ELL: variants seen among roughly 807,000 people sequenced by gnomAD.
ELL encodes the protein RNA polymerase II elongation factor ELL.
In ELL, 18 loss-of-function variants were observed where a neutral mutation model predicts 64.0. That is an observed-to-expected ratio of 0.28 (90% CI 0.19 to 0.42). The LOEUF (loss-of-function observed/expected upper bound fraction) is 0.42. ELL is among the 10% of genes least tolerant of loss of function. ELL has a pLI of 1.00. For synonymous variants in ELL, 399 were observed against 376.2 expected (o/e 1.06, Z -0.70); for missense variants, 797 against 870.4 (o/e 0.92, Z 1.06).
chr19:18,458,390 A>G, intron 5 of ELL, 61 bp from the exon 6 acceptor site: 1 of 1,579,402 alleles, frequency 6.3e-7, no homozygotes, highest in South Asian at 1.1e-5. Context: ...GGACTAGAGA[A>G]AAAAGATCTG....
At chr19:18,460,843 A>G (rs1974794578) in intron 5 of ELL, among the ~76,000 whole-genome samples, 1 of 152,170 alleles carries the variant, frequency 6.6e-6, no homozygotes. Flanking sequence ...CGATCCGAGG[A>G]GACCCATCCT....
chr19:18,484,211 C>G (rs1027232980), intron 1 of ELL, among the ~76,000 whole-genome samples: 28 of 152,338 alleles, frequency 1.8e-4, no homozygotes, highest in Admixed American at 9.2e-4. Context: ...CGCCTGTAAT[C>G]CCAGCACTTT....
At chr19:18,460,622 C>G (rs1307680128) in intron 5 of ELL, among the ~76,000 whole-genome samples, 1 of 152,226 alleles carries the variant, frequency 6.6e-6, no homozygotes, top group Non-Finnish European at 1.5e-5. Context: ...GTCCCACCAG[C>G]CGCGCACCCG....
intron 1 of ELL, among the ~76,000 whole-genome samples, chr19:18,497,041 G>C (rs1254834962): frequency 6.6e-6 from 1 of 152,188 alleles, no homozygotes. Context: ...GCACGCCTTG[G>C]TATTTGCCCA....
Position 18,445,183 on chromosome 19 carries a change from A to G in ELL, c.1749+41T>C, listed in dbSNP as rs762347496. ...GCCCACCCTCCTCCCTCCAGCTCCC[A>G]TGGCTCACTTGGAGCCCACCCCAAC... On this transcript the variant is annotated intron_variant, in intron 11 of 11. Transcript: ENST00000262809. 1.7e-5 allele frequency: 28 copies of G among 1,612,256 alleles called. No individual in the cohort carries two copies. The South Asian group carries it at 2.9e-4, about 16-fold the overall frequency.
intron 1 of ELL, among the ~76,000 whole-genome samples, chr19:18,507,786 T>C (rs555640100): frequency 6.6e-6 from 1 of 152,314 alleles, no homozygotes; most frequent in Admixed American, 6.5e-5. Flanking sequence ...ACCACGCAGC[T>C]GAGGCTCAGC....
At chr19:18,508,363 C>T (rs922158518) in intron 1 of ELL, among the ~76,000 whole-genome samples, 11 of 152,202 alleles carry the variant, frequency 7.2e-5, no homozygotes, top group African/African-American at 2.7e-4. Flanking sequence ...GAGTCAGCAG[C>T]CAGGAGGGTA....
chr19:18,494,138 G>A (rs1365364591), intron 1 of ELL, among the ~76,000 whole-genome samples: 1 of 152,024 alleles, frequency 6.6e-6, no homozygotes, highest in Non-Finnish European at 1.5e-5. Flanking sequence ...GAGGTAGGAG[G>A]ATCGTTTGAG....
At chr19:18,447,225 C>T (rs1974434995) in intron 8 of ELL, among the ~76,000 whole-genome samples, 1 of 152,254 alleles carries the variant, frequency 6.6e-6, no homozygotes, top group South Asian at 2.1e-4. Context: ...TCAAAGGTCA[C>T]TAAGCTGAAA....
chr19:18,469,687 A>G (rs1975022319), intron 2 of ELL, among the ~76,000 whole-genome samples: 1 of 152,246 alleles, frequency 6.6e-6, no homozygotes, highest in Non-Finnish European at 1.5e-5. Flanking sequence ...AGCCCAGGCC[A>G]CAGGGGCTCA....
chr19:18,446,608 C>A (rs1600418977), intron 9 of ELL, 128 bp from the exon 10 acceptor site: 1 of 1,490,578 alleles, frequency 6.7e-7, no homozygotes, highest in Non-Finnish European at 9.1e-7. Context: ...GGGGGCCTGG[C>A]CCAGAAGAGG....
At chr19:18,478,994 G>A (rs1403395620) in intron 1 of ELL, among the ~76,000 whole-genome samples, 2 of 152,190 alleles carry the variant, frequency 1.3e-5, no homozygotes, top group Admixed American at 6.5e-5. Flanking sequence ...ACCTCTCCAG[G>A]GCCAGAATCC....
chr19:18,447,615 A>G (rs552058705), intron 8 of ELL, among the ~76,000 whole-genome samples: 1 of 152,228 alleles, frequency 6.6e-6, no homozygotes, highest in African/African-American at 2.4e-5. Context: ...CGGCCACATA[A>G]GACAACACCC....
At chr19:18,452,193 C>CCCGCCAGCAACCCTGCAGCTTATG (rs1568376586) in intron 6 of ELL, among the ~76,000 whole-genome samples, 2 of 152,180 alleles carry the variant, frequency 1.3e-5, no homozygotes, top group Non-Finnish European at 2.9e-5. Flanking sequence ...ATCCCCCACC[C>CCCGCCAGCAACCCTGCAGCTTATG]CCGCCAGCAA....
intron 7 of ELL, 113 bp from the exon 8 acceptor site, chr19:18,451,088 CA>C (rs1974522499): frequency 7.3e-7 from 1 of 1,365,358 alleles, no homozygotes; most frequent in African/African-American, 1.5e-5. Context: ...CCACGCTGGC[CA>C]CATGGGGGCG....
chr19:18,511,154 C>T (rs541480782), intron 1 of ELL, among the ~76,000 whole-genome samples: 3 of 152,158 alleles, frequency 2.0e-5, no homozygotes, highest in Non-Finnish European at 4.4e-5. Flanking sequence ...GTAGTCCCAG[C>T]TACTCGGGAG....
intron 2 of ELL, among the ~76,000 whole-genome samples, chr19:18,467,671 ACAAAC>A (rs1974971364): frequency 1.2e-5 from 1 of 80,532 alleles, no homozygotes; most frequent in East Asian, 3.4e-4. Flanking sequence ...ACACACACAC[ACAAAC>A]ACAACCCCTC....
chr19:18,503,229 C>T (rs894431876), intron 1 of ELL, among the ~76,000 whole-genome samples: 3 of 152,118 alleles, frequency 2.0e-5, no homozygotes, highest in Non-Finnish European at 2.9e-5. Context: ...CAGTCAGGGC[C>T]GCGGGTATCT....
At position 18,450,753 on chromosome 19, in the gene ELL, G is replaced by A; in HGVS notation, c.1189C>T (p.Leu397=). Residue 397 remains leucine (L), a synonymous_variant, in exon 8 of 12, where the codon CTG becomes TTG. Coordinates refer to ENST00000262809, the MANE Select transcript of ELL (RefSeq NM_006532.4). ...RLEPPRAHDP[L]ADVSNDLGHS... ...CCCAGGTCATTGCTGACATCGGCCA[G>A]GGGGTCGTGGGCCCTCGGGGGCTCC... 1 of 1,582,480 alleles carries A rather than the reference G, an allele frequency of 6.3e-7. No homozygotes were observed. The highest frequency in any genetic ancestry group is 8.6e-7 in the Non-Finnish European group (1 of 1,164,484).
Sources: allele counts gnomAD v4.1 joint callset (sites outside exome capture counted in the v4.1 genomes callset), GRCh38; gene constraint gnomAD v4.1.1; transcripts MANE v1.5; gene names NCBI Gene and HGNC (gene_info 2026-07-23, HGNC 2026-07-21).